LSM3: variants seen among roughly 807,000 people sequenced by gnomAD.
LSM3 encodes the protein LSM3 homolog, U6 small nuclear RNA and mRNA degradation associated.
A neutral mutation model predicts 15.4 loss-of-function variants in LSM3; 14 were observed. That is an observed-to-expected ratio of 0.91 (90% CI 0.60 to 1.42). The LOEUF is 1.42. LSM3 is among the 40% of genes most tolerant of loss of function. The probability of loss-of-function intolerance (pLI) is 0.00; values close to 1 mark genes in which losing one functional copy is unlikely to be tolerated. For synonymous variants in LSM3, 46 were observed against 45.1 expected, an observed-to-expected ratio of 1.02 and a Z score of -0.08; for missense variants, 88 against 127.9, an observed-to-expected ratio of 0.69 and a Z score of 1.50.
At chr3:14,192,136 G>T (rs145969112) in intron 3 of LSM3, among the ~76,000 whole-genome samples, 178 of 152,354 alleles carry the variant, frequency 1.2e-3, no homozygotes, top group Non-Finnish European at 2.0e-3. Context: ...TTGCAATGTG[G>T]TCTGAGAGAC....
intron 3 of LSM3, among the ~76,000 whole-genome samples, chr3:14,195,491 T>C (rs756566542): frequency 1.4e-4 from 22 of 152,214 alleles, no homozygotes; most frequent in Non-Finnish European, 3.1e-4. Flanking sequence ...TGACCATGGG[T>C]TAACTTACCA....
chr3:14,188,326 G>A (rs1697109079), intron 3 of LSM3, among the ~76,000 whole-genome samples: 1 of 152,026 alleles, frequency 6.6e-6, no homozygotes, highest in South Asian at 2.1e-4. Flanking sequence ...AACTCTTTAT[G>A]GTCCATGCTG....
chr3:14,191,705 T>C (rs1697141475), intron 3 of LSM3, among the ~76,000 whole-genome samples: 1 of 151,946 alleles, frequency 6.6e-6, no homozygotes, highest in Non-Finnish European at 1.5e-5. Context: ...AGCAGTCTAT[T>C]TTGTTGATTT....
chr3:14,196,747 G>A (rs866600698), intron 3 of LSM3, among the ~76,000 whole-genome samples: 44 of 152,310 alleles, frequency 2.9e-4, no homozygotes, highest in Middle Eastern at 6.8e-3. Flanking sequence ...AATGGGGTCC[G>A]CAGAGCTTTC....
intron 3 of LSM3, among the ~76,000 whole-genome samples, chr3:14,186,187 G>A (rs372140849): frequency 9.2e-5 from 14 of 152,322 alleles, no homozygotes; most frequent in Middle Eastern, 6.8e-3. Context: ...ATGCCAGGCC[G>A]TAGCAGAAAG....
chr3:14,185,512 A>G (rs974724217), intron 3 of LSM3, among the ~76,000 whole-genome samples: 5 of 152,258 alleles, frequency 3.3e-5, no homozygotes, highest in Admixed American at 6.5e-5. Flanking sequence ...GATAACAGCT[A>G]GAAGATTCTC....
intron 1 of LSM3, among the ~76,000 whole-genome samples, chr3:14,180,545 G>A (rs867344465): frequency 1.3e-5 from 2 of 151,966 alleles, no homozygotes; most frequent in African/African-American, 2.4e-5. Context: ...TTTCTCAGCC[G>A]CCCAAAGTGC....
chr3:14,185,569 G>A (rs1162090268), intron 3 of LSM3, among the ~76,000 whole-genome samples: 1 of 152,122 alleles, frequency 6.6e-6, no homozygotes, highest in Non-Finnish European at 1.5e-5. Flanking sequence ...TGTTGTAATT[G>A]AAGCAAATCT....
intron 3 of LSM3, among the ~76,000 whole-genome samples, chr3:14,186,070 C>G (rs1697085964): frequency 6.6e-6 from 1 of 152,168 alleles, no homozygotes; most frequent in Admixed American, 6.5e-5. Context: ...TGCCACCACG[C>G]CCAGCTAATT....
intron 1 of LSM3, 40 bp downstream of exon 1, chr3:14,178,921 G>C: frequency 1.2e-6 from 2 of 1,611,334 alleles, no homozygotes; most frequent in Non-Finnish European, 1.7e-6. Flanking sequence ...GGAGCTTCTT[G>C]TACTAGGCTG....
At position 14,199,187 on chromosome 3, in the gene LSM3, G is replaced by A. The variant is rs1697213469; in HGVS notation, c.*1071G>A. The A allele has an allele frequency of 6.6e-6, 1 of 152,150 alleles. No homozygotes were observed. The highest frequency in any genetic ancestry group is 6.5e-5 in the Admixed American group (1 of 15,274). The allele number at this position is 152,150 out of a possible 1,614,324, so 9.4% of individuals were successfully genotyped here. A position where few individuals can be genotyped will look rare whatever the true frequency, so the allele number is the denominator to read the frequency against. On this transcript the variant is annotated 3_prime_UTR_variant, in exon 4 of 4. Transcript: ENST00000306024. ...TTGGATCATTGGCCATTAATGATGA[G>A]GGGTCTCAAACAACATGTCTCAGTG...
rs377318446 is a variant in LSM3, at chr3:14,178,874, T to C, written c.14T>C (p.Val5Ala). Reference protein sequence around the residue: MADDVDQQQTTNTVE... With the variant: MADDADQQQTTNTVE... ...AGGGTTTGAAACATGGCGGACGACG[T>C]AGACCAGGTAAGTGTATTTTAAGGA... Residue 5 changes from valine (V) to alanine (A), a missense_variant, in exon 1 of 4, where the codon GTA (valine) becomes GCA (alanine). By Grantham distance (64) the Val-to-Ala change is moderately conservative. Transcript: ENST00000306024. 2.5e-6 allele frequency: 4 copies of C among 1,614,212 alleles called. No homozygotes were observed. The African/African-American group carries it at 5.3e-5, about 22-fold the overall frequency.
At chr3:14,197,510 C>T (rs536427065) in intron 3 of LSM3, among the ~76,000 whole-genome samples, 2 of 152,336 alleles carry the variant, frequency 1.3e-5, no homozygotes, top group African/African-American at 4.8e-5. Context: ...CATAATGGCT[C>T]AGCAAAGTAG....
chr3:14,192,909 T>C (rs1697153716), intron 3 of LSM3, among the ~76,000 whole-genome samples: 1 of 152,224 alleles, frequency 6.6e-6, no homozygotes. Flanking sequence ...TTGCAGTGGC[T>C]GGTATTGGTT....
At chr3:14,182,582 G>A (rs79966721) in intron 2 of LSM3, among the ~76,000 whole-genome samples, 1,542 of 152,088 alleles carry the variant, frequency 0.01, 24 homozygotes, top group African/African-American at 0.036. Flanking sequence ...GAACCCTGAA[G>A]GTTTTGCCTC....
chr3:14,181,783 G>T lies in LSM3; in HGVS notation c.132+113G>T, dbSNP rs1697041442. On this transcript the variant is annotated intron_variant, in intron 2 of 3. Transcript: ENST00000306024. ...TATTTTGAAGGAAGAGAGGGTGGTGGAAAGTCACCCATATCACATAAGCCA... is the reference window on the plus strand; with the variant it reads ...TATTTTGAAGGAAGAGAGGGTGGTGTAAAGTCACCCATATCACATAAGCCA... The T allele has an allele frequency of 1.2e-5, 9 of 739,042 alleles. No individual in the cohort carries two copies. In the South Asian group the frequency reaches 1.3e-4, roughly 11 times the overall value. The allele number at this position is 739,042 out of a possible 1,614,324, so 45.8% of individuals were successfully genotyped here.
At chr3:14,186,232 C>T (rs912420085) in intron 3 of LSM3, among the ~76,000 whole-genome samples, 1 of 152,226 alleles carries the variant, frequency 6.6e-6, no homozygotes, top group African/African-American at 2.4e-5. Flanking sequence ...CAGTTTCTGA[C>T]CCTGCCAGGG....
intron 3 of LSM3, among the ~76,000 whole-genome samples, chr3:14,191,339 A>G (rs1008477632): frequency 6.6e-6 from 1 of 152,018 alleles, no homozygotes; most frequent in African/African-American, 2.4e-5. Context: ...TATTGTTTGG[A>G]ATAGTTTTAG....
chr3:14,184,119 A>G, intron 3 of LSM3, 87 bp downstream of exon 3: 1 of 1,447,216 alleles, frequency 6.9e-7, no homozygotes, highest in Non-Finnish European at 9.1e-7. Context: ...GAAGCCTGTC[A>G]TGTTTTGACA....
Sources: gnomAD v4.1 joint callset for allele counts (sites outside exome capture counted in the v4.1 genomes callset) on GRCh38, gnomAD v4.1.1 for gene constraint, MANE v1.5 for transcripts, NCBI Gene and HGNC (gene_info 2026-07-23, HGNC 2026-07-21) for gene names.